The following PRR16 variants were observed in gnomAD, a reference collection of about 807,000 sequenced individuals.
PRR16 encodes the protein protein Largen.
In PRR16, 6 loss-of-function variants were observed where a neutral mutation model predicts 18.2. The observed-to-expected ratio is 0.33, with a 90% CI of 0.18 to 0.65. PRR16 has a LOEUF of 0.65. Ranked by LOEUF, PRR16 falls within the 30% of genes least tolerant of loss-of-function variation. PRR16 has a pLI of 0.74. For synonymous variants in PRR16, 151 were observed against 147.8 expected (o/e 1.02, Z -0.16); for missense variants, 412 against 376.6 (o/e 1.09, Z -0.78).
intron 1 of PRR16, among the ~76,000 whole-genome samples, chr5:120,596,765 A>AT (rs1217801171): frequency 2.6e-5 from 4 of 151,376 alleles, no homozygotes; most frequent in Admixed American, 2.0e-4. Flanking sequence ...ATTATAATGC[A>AT]TTTTTTCTGT....
At chr5:120,779,950 A>C in the PRR16 span, among the ~76,000 whole-genome samples, 1 of 152,124 alleles carries the variant, frequency 6.6e-6, no homozygotes, top group Admixed American at 6.5e-5. Context: ...ACAAAAATTT[A>C]TATCTGTTGA....
chr5:120,740,242 A>G, the PRR16 span, among the ~76,000 whole-genome samples: 2 of 152,140 alleles, frequency 1.3e-5, no homozygotes, highest in Admixed American at 6.5e-5. Flanking sequence ...TTCTCTGGGT[A>G]TTTCATGCAG....
At chr5:120,724,556 T>G in the PRR16 span, among the ~76,000 whole-genome samples, 5 of 152,232 alleles carry the variant, frequency 3.3e-5, 1 homozygote, top group South Asian at 1.0e-3. Flanking sequence ...TTTCAGAGAC[T>G]GATTAAATCA....
At chr5:120,532,500 T>C (rs1198094523) in intron 1 of PRR16, among the ~76,000 whole-genome samples, 1 of 152,040 alleles carries the variant, frequency 6.6e-6, no homozygotes, top group African/African-American at 2.4e-5. Flanking sequence ...ATTAGAATAA[T>C]ATTTGTTGAA....
the PRR16 span, among the ~76,000 whole-genome samples, chr5:120,764,606 G>A: frequency 6.6e-5 from 10 of 151,974 alleles, no homozygotes; most frequent in South Asian, 1.7e-3. Flanking sequence ...GATAACATAC[G>A]ATGAAGATTT....
intron 1 of PRR16, among the ~76,000 whole-genome samples, chr5:120,672,757 T>G (rs192430884): frequency 2.4e-4 from 37 of 152,298 alleles, no homozygotes; most frequent in Admixed American, 2.4e-3. Flanking sequence ...AGGATTTGTT[T>G]AATTCATACT....
intron 1 of PRR16, among the ~76,000 whole-genome samples, chr5:120,541,350 T>C (rs1434921834): frequency 6.6e-6 from 1 of 152,202 alleles, no homozygotes; most frequent in Non-Finnish European, 1.5e-5. Flanking sequence ...TTCACTATGT[T>C]GGCCAGGCTG....
At chr5:120,559,415 G>A (rs569635205) in intron 1 of PRR16, among the ~76,000 whole-genome samples, 1 of 151,752 alleles carries the variant, frequency 6.6e-6, no homozygotes, top group South Asian at 2.1e-4. Flanking sequence ...TGAAGATACT[G>A]TCTTACCTAG....
downstream of PRR16, among the ~76,000 whole-genome samples, chr5:120,689,720 G>A (rs974748537): frequency 6.6e-6 from 1 of 150,408 alleles, no homozygotes; most frequent in Admixed American, 6.6e-5. Flanking sequence ...CAAAAGGCAT[G>A]GTAATCATTA....
At chr5:120,593,939 A>C (rs1753720871) in intron 1 of PRR16, among the ~76,000 whole-genome samples, 2 of 152,178 alleles carry the variant, frequency 1.3e-5, no homozygotes, top group African/African-American at 4.8e-5. Context: ...AAAGCTTTTG[A>C]TAAAATACAA....
At chr5:120,772,106 A>G in the PRR16 span, among the ~76,000 whole-genome samples, 2 of 152,252 alleles carry the variant, frequency 1.3e-5, no homozygotes, top group South Asian at 4.1e-4. Flanking sequence ...AAGCATAGGA[A>G]TATCATGTAC....
chr5:120,620,775 C>T (rs1440432464), intron 1 of PRR16, among the ~76,000 whole-genome samples: 2 of 152,096 alleles, frequency 1.3e-5, no homozygotes, highest in Non-Finnish European at 2.9e-5. Context: ...CTGTTTCTCT[C>T]TTTGCTCCCC....
chr5:120,619,229 A>G (rs1754609540), intron 1 of PRR16, among the ~76,000 whole-genome samples: 1 of 152,158 alleles, frequency 6.6e-6, no homozygotes, highest in Admixed American at 6.6e-5. Flanking sequence ...CTTATCAGAC[A>G]GACACATCTC....
At chr5:120,645,065 C>A (rs1326136112) in intron 1 of PRR16, among the ~76,000 whole-genome samples, 2 of 152,058 alleles carry the variant, frequency 1.3e-5, no homozygotes, top group Non-Finnish European at 2.9e-5. Flanking sequence ...TTTGCAACTT[C>A]TCTGAAACCT....
the PRR16 span, among the ~76,000 whole-genome samples, chr5:120,749,952 T>C: frequency 1.7e-3 from 257 of 152,322 alleles, no homozygotes; most frequent in Middle Eastern, 6.8e-3. Context: ...AATTTATTTG[T>C]CTAACCACCT....
intron 1 of PRR16, among the ~76,000 whole-genome samples, chr5:120,581,389 G>A (rs1753266971): frequency 6.6e-6 from 1 of 152,144 alleles, no homozygotes; most frequent in South Asian, 2.1e-4. Context: ...TTTGTATTGT[G>A]CCTATCTGAT....
chr5:120,724,106 C>G, the PRR16 span, among the ~76,000 whole-genome samples: 1 of 151,846 alleles, frequency 6.6e-6, no homozygotes, highest in Non-Finnish European at 1.5e-5. Context: ...CTTTTATTAG[C>G]TTTTCCAACT....
Position 120,501,508 on chromosome 5 carries a change from GTTGT to G in PRR16, c.159+36868_159+36871del, listed in dbSNP as rs1275845565. 1.9e-4 allele frequency among the ~76,000 whole-genome samples: 29 copies of G among 152,198 alleles called. 1 individual carries two copies. Among genetic ancestry groups the G allele is most frequent in the Admixed American group, 1.7e-3 (26 of 15,270 alleles). ...TTTTTTGTAGTATATTAAAGAAGTA[GTTGT>G]TTGTCATCTTAGGGAACATCTTTTA... On this transcript the variant is annotated intron_variant, in intron 1 of 1. Transcript: ENST00000407149.
chr5:120,645,337 TAC>T (rs111616442), intron 1 of PRR16, among the ~76,000 whole-genome samples: 27 of 149,638 alleles, frequency 1.8e-4, no homozygotes, highest in Admixed American at 4.7e-4. Flanking sequence ...GACACATGCA[TAC>T]ACACACACAC....
Sources: allele counts gnomAD v4.1 joint callset (sites outside exome capture counted in the v4.1 genomes callset), GRCh38; gene constraint gnomAD v4.1.1; transcripts MANE v1.5; gene names NCBI Gene and HGNC (gene_info 2026-07-23, HGNC 2026-07-21).